GMPR2: variants seen among roughly 807,000 people sequenced by gnomAD.
GMPR2 encodes GMP reductase 2.
A neutral mutation model predicts 38.5 loss-of-function variants in GMPR2; 32 were observed. That is an observed-to-expected ratio of 0.83 (90% CI 0.63 to 1.12). The LOEUF (loss-of-function observed/expected upper bound fraction) is 1.12, where lower values mean the gene tolerates loss of function less well. Among genes scored for constraint, GMPR2 ranks in the 50% most tolerant of loss-of-function variants. The probability of loss-of-function intolerance (pLI) is 0.00; values close to 1 mark genes in which losing one functional copy is unlikely to be tolerated. For missense variants in GMPR2, 396 were observed against 432.1 expected, an observed-to-expected ratio of 0.92 and a Z score of 0.74; for synonymous variants, 154 against 151.0, an observed-to-expected ratio of 1.02 and a Z score of -0.15.
intron 7 of GMPR2, 75 bp downstream of exon 7, chr14:24,237,426 T>A: frequency 2.7e-6 from 4 of 1,503,316 alleles, no homozygotes; most frequent in Non-Finnish European, 2.8e-6. Flanking sequence ...GGATTAGAAT[T>A]CCTGGGTTCT....
Position 24,233,568 on chromosome 14 carries a change from C to T in GMPR2, c.177C>T (p.Gly59=), listed in dbSNP as rs1566677019. 6.2e-7 allele frequency: 1 copy of T among 1,614,090 alleles called. No homozygotes were observed. Among genetic ancestry groups the T allele is most frequent in the Non-Finnish European group, 8.5e-7 (1 of 1,179,948 alleles). ...PIIAANMDTV[G]TFEMAKVLCK... ...TTGCTGCCAATATGGATACTGTGGG[C>T]ACCTTTGAGATGGCCAAGGTTCTCT... The change falls in exon 3 of 10, where the codon GGC becomes GGT. Residue 59 remains glycine, a synonymous_variant. Coordinates refer to ENST00000399440, the MANE Select transcript of GMPR2 (RefSeq NM_001002002.3).
chr14:24,233,646 G>C, intron 3 of GMPR2, 48 bp downstream of exon 3: 1 of 1,608,450 alleles, frequency 6.2e-7, no homozygotes, highest in Non-Finnish European at 8.5e-7. Flanking sequence ...AGTTAGCCCA[G>C]CTGACTGCAG....
chr14:24,234,608 C>T (rs2040248838), intron 3 of GMPR2, among the ~76,000 whole-genome samples: 1 of 152,126 alleles, frequency 6.6e-6, no homozygotes, highest in Non-Finnish European at 1.5e-5. Context: ...TATGTGGAGC[C>T]TGGCTTTCAG....
At position 24,237,120 on chromosome 14, in the gene GMPR2, G is replaced by A. The variant is rs550845057; in HGVS notation, c.515G>A (p.Gly172Glu). ...GEMVEELILS[G>E]ADIIKVGIGP... ...ATGGTAGAAGAGCTCATCCTTTCTG[G>A]GGCTGACATCATCAAAGTGGGAATT... Residue 172 changes from glycine to glutamate, a missense_variant, in exon 6 of 10, where the codon GGG becomes GAG. Physicochemically the swap from Gly to Glu is moderately conservative, Grantham distance 98. Coordinates refer to ENST00000399440, the MANE Select transcript of GMPR2 (RefSeq NM_001002002.3). The A allele has an allele frequency of 6.2e-7, 1 of 1,612,798 alleles. No individual in the cohort carries two copies. The highest frequency in any genetic ancestry group is 1.1e-5 in the South Asian group (1 of 91,058).
chr14:24,236,952 G>A, intron 5 of GMPR2, 119 bp from the exon 6 acceptor site: 4 of 796,476 alleles, frequency 5.0e-6, no homozygotes, highest in Non-Finnish European at 6.3e-6. Context: ...CAGTAGAGGG[G>A]ACCTAGTTAT....
Position 24,233,189 on chromosome 14 carries a change from G to C in GMPR2, c.-35-30G>C, listed in dbSNP as rs762685551. The C allele has an allele frequency of 4.1e-5, 66 of 1,612,556 alleles. 1 individual carries two copies. The South Asian group carries it at 7.3e-4, about 18-fold the overall frequency. ...AACAGGGCGTTAAAGCCCAGGGGAA[G>C]ATTGGTCCTTATGACTTCCTGCCTT... is the stretch of plus-strand genomic sequence containing the variant. On this transcript the variant is annotated intron_variant, in intron 1 of 9. Transcript: ENST00000399440.
chr14:24,233,157 C>T (rs1400164907), intron 1 of GMPR2, 62 bp from the exon 2 acceptor site: 1 of 1,608,402 alleles, frequency 6.2e-7, no homozygotes, highest in Admixed American at 1.7e-5. Context: ...GAGAGGCCAC[C>T]AGCCGTAACA....
intron 8 of GMPR2, 70 bp downstream of exon 8, chr14:24,237,632 C>A: frequency 7.3e-7 from 1 of 1,364,048 alleles, no homozygotes; most frequent in South Asian, 1.2e-5. Context: ...GGTCTAGGGT[C>A]AGGCTAAGAG....
At position 24,238,356 on chromosome 14, in the gene GMPR2, A is replaced by T. The variant is rs1459585168; in HGVS notation, c.808A>T (p.Ser270Cys). 1.2e-6 allele frequency: 2 copies of T among 1,613,974 alleles called. No homozygotes were observed. Among genetic ancestry groups the T allele is most frequent in the African/African-American group, 2.7e-5 (2 of 74,856 alleles). The change falls in exon 9 of 10, where the codon AGT becomes TGT. Residue 270 changes from serine to cysteine, a missense_variant. Coordinates refer to ENST00000399440, the MANE Select transcript of GMPR2 (RefSeq NM_001002002.3). ...GKKYKLFYGMSSEMAMKKYAG... is the reference protein window; with the variant it reads ...GKKYKLFYGMCSEMAMKKYAG... ...GAAGTACAAGCTCTTCTATGGAATGAGTTCTGAAATGGCCATGAAGAAGTA... is the reference window on the plus strand; with the variant it reads ...GAAGTACAAGCTCTTCTATGGAATGTGTTCTGAAATGGCCATGAAGAAGTA...
chr14:24,233,729 GT>G, intron 3 of GMPR2, 131 bp downstream of exon 3: 1 of 1,035,682 alleles, frequency 9.7e-7, no homozygotes, highest in Admixed American at 1.8e-5. Context: ...CTGATTTACG[GT>G]TTTTTCCACT....
chr14:24,238,141 G>A, intron 8 of GMPR2, 105 bp from the exon 9 acceptor site: 1 of 1,039,656 alleles, frequency 9.6e-7, no homozygotes, highest in Non-Finnish European at 1.4e-6. Context: ...GGAAGACGCT[G>A]GAATCATTGT....
At chr14:24,237,646 C>A in intron 8 of GMPR2, 84 bp downstream of exon 8, 1 of 1,175,982 alleles carries the variant, frequency 8.5e-7, no homozygotes, top group Non-Finnish European at 1.3e-6. Context: ...CTAAGAGAGG[C>A]TCAGGAAGTC....
intron 5 of GMPR2, 133 bp from the exon 6 acceptor site, chr14:24,236,938 G>T (rs2040372249): frequency 5.7e-6 from 4 of 701,804 alleles, no homozygotes; most frequent in South Asian, 5.3e-5. Context: ...GCCCTCAGAG[G>T]GCCCAGTAGA....
chr14:24,234,545 G>C (rs1222340166), intron 3 of GMPR2, among the ~76,000 whole-genome samples: 1 of 152,218 alleles, frequency 6.6e-6, no homozygotes, highest in Non-Finnish European at 1.5e-5. Flanking sequence ...TGACTGCAGA[G>C]TTAACAGGCG....
chr14:24,235,028 C>T (rs533037101), intron 3 of GMPR2, among the ~76,000 whole-genome samples: 1 of 152,358 alleles, frequency 6.6e-6, no homozygotes, highest in East Asian at 1.9e-4. Flanking sequence ...CACCAGCATA[C>T]ACAATGGCCT....
At position 24,233,181 on chromosome 14, in the gene GMPR2, C is replaced by T. The variant is rs369082553; in HGVS notation, c.-35-38C>T. ...CCAGCCGTAACAGGGCGTTAAAGCCCAGGGGAAGATTGGTCCTTATGACTT... is the reference window on the plus strand; with the variant it reads ...CCAGCCGTAACAGGGCGTTAAAGCCTAGGGGAAGATTGGTCCTTATGACTT... On this transcript the variant is annotated intron_variant, in intron 1 of 9. Transcript: ENST00000399440. The T allele has an allele frequency of 3.9e-4, 634 of 1,612,230 alleles. 1 individual carries two copies. The highest frequency in any genetic ancestry group is 1.3e-3 in the South Asian group (117 of 91,000).
At chr14:24,238,030 G>A in intron 8 of GMPR2, 1 of 537,234 alleles carries the variant, frequency 1.9e-6, no homozygotes, top group East Asian at 2.9e-5. Flanking sequence ...ACTCTCCAGA[G>A]GCTCTTTTTT....
In GMPR2 at chr14:24,233,659, G is replaced by A. The variant is rs115384903; in HGVS notation, c.207+61G>A. On this transcript the variant is annotated intron_variant, in intron 3 of 9. Coordinates refer to ENST00000399440, the MANE Select transcript of GMPR2 (RefSeq NM_001002002.3). ...CCAGTTAGCCCAGCTGACTGCAGAG[G>A]TGTTTGCATCCCCACCCCCATGCCC... 102 of 1,576,880 alleles carry A rather than the reference G, an allele frequency of 6.5e-5. 1 individual carries two copies. In the African/African-American group the frequency reaches 1.2e-3, roughly 19 times the overall value.
At chr14:24,234,102 T>C (rs1250696191) in intron 3 of GMPR2, 1 of 1,287,996 alleles carries the variant, frequency 7.8e-7, no homozygotes, top group East Asian at 5.5e-5. Flanking sequence ...TTCCTCTTCT[T>C]TAAGTCCTAG....
Sources: gnomAD v4.1 joint callset for allele counts (sites outside exome capture counted in the v4.1 genomes callset) on GRCh38, gnomAD v4.1.1 for gene constraint, MANE v1.5 for transcripts, NCBI Gene and HGNC (gene_info 2026-07-23, HGNC 2026-07-21) for gene names.